TBC1D22A: variants seen among roughly 807,000 people sequenced by gnomAD.
TBC1D22A encodes the protein putative GTPase activator.
A neutral mutation model predicts 60.2 loss-of-function variants in TBC1D22A; 38 were observed. The observed-to-expected ratio is 0.63, with a 90% CI of 0.49 to 0.83. TBC1D22A has a LOEUF of 0.83. TBC1D22A is among the 40% of genes least tolerant of loss of function. TBC1D22A has a pLI of 0.00. For missense variants in TBC1D22A, 628 were observed against 701.0 expected (o/e 0.90, Z 1.18); for synonymous variants, 302 against 281.7 (o/e 1.07, Z -0.72).
At chr22:46,933,124 T>G (rs2071450101) in intron 8 of TBC1D22A, among the ~76,000 whole-genome samples, 1 of 152,114 alleles carries the variant, frequency 6.6e-6, no homozygotes, top group African/African-American at 2.4e-5. Context: ...CTCTGGAAAT[T>G]TTACATTTTC....
At chr22:47,005,107 G>T (rs1319848182) in intron 10 of TBC1D22A, among the ~76,000 whole-genome samples, 1 of 151,150 alleles carries the variant, frequency 6.6e-6, no homozygotes, top group Non-Finnish European at 1.5e-5. Context: ...ACACACCTTT[G>T]TATTCACACA....
chr22:46,901,711 G>A (rs570625670), intron 7 of TBC1D22A, among the ~76,000 whole-genome samples: 1 of 152,050 alleles, frequency 6.6e-6, no homozygotes, highest in Non-Finnish European at 1.5e-5. Flanking sequence ...ACTCACATGG[G>A]GGGGGGATGT....
At chr22:46,809,441 A>T (rs796945204) in intron 4 of TBC1D22A, among the ~76,000 whole-genome samples, 16 of 152,314 alleles carry the variant, frequency 1.1e-4, no homozygotes, top group African/African-American at 3.8e-4. Flanking sequence ...GGCCTTCAAC[A>T]TACGAATTTG....
intron 8 of TBC1D22A, among the ~76,000 whole-genome samples, chr22:46,956,381 C>T (rs569629579): frequency 3.9e-4 from 59 of 152,270 alleles, no homozygotes; most frequent in African/African-American, 1.1e-3. Context: ...GTCAGGAGAT[C>T]GAGACCGTCC....
intron 10 of TBC1D22A, among the ~76,000 whole-genome samples, chr22:47,019,348 A>C (rs1020137286): frequency 3.3e-5 from 5 of 152,238 alleles, no homozygotes; most frequent in African/African-American, 4.8e-5. Context: ...CTGAGTGGAC[A>C]GTGATGAGCT....
At chr22:46,981,242 A>G (rs1181052148) in intron 9 of TBC1D22A, among the ~76,000 whole-genome samples, 3 of 151,852 alleles carry the variant, frequency 2.0e-5, no homozygotes, top group African/African-American at 7.3e-5. Flanking sequence ...CATAAGTATG[A>G]TGGGAGAGGG....
Position 46,771,204 on chromosome 22 carries a change from T to A in TBC1D22A, c.62+8356T>A, listed in dbSNP as rs1200020912. ...ATTTTGGATTATTTATTTATTTGTTTCTTAAGTAACAAGAGCAGGAGGAAG... is the reference window on the plus strand; with the variant it reads ...ATTTTGGATTATTTATTTATTTGTTACTTAAGTAACAAGAGCAGGAGGAAG... On this transcript the variant is annotated intron_variant, in intron 1 of 12. Coordinates refer to ENST00000337137, the MANE Select transcript of TBC1D22A (RefSeq NM_014346.5). Among the ~76,000 whole-genome samples, 6 of 152,338 alleles carry A rather than the reference T, an allele frequency of 3.9e-5. No individual in the cohort carries two copies. In the East Asian group the frequency reaches 1.2e-3, roughly 29 times the overall value.
rs1378400191 is a variant in TBC1D22A at position 47,173,647 on chromosome 22, G to A, written c.*21G>A. Reference sequence around the variant, plus strand: ...AATGAGCCCAGGCCCACCCGCAGCTGGCCTCACTGTCCCGGGTGGCGCGCC... The same window carrying A: ...AATGAGCCCAGGCCCACCCGCAGCTAGCCTCACTGTCCCGGGTGGCGCGCC... On this transcript the variant is annotated 3_prime_UTR_variant, in exon 13 of 13. Coordinates refer to ENST00000337137, the MANE Select transcript of TBC1D22A (RefSeq NM_014346.5). 1.2e-6 allele frequency: 2 copies of A among 1,612,908 alleles called. No homozygotes were observed.
chr22:46,941,754 T>TGTATATACGGA (rs1305263562), intron 8 of TBC1D22A, among the ~76,000 whole-genome samples: 81 of 135,384 alleles, frequency 6.0e-4, no homozygotes, highest in Middle Eastern at 3.7e-3. Flanking sequence ...ATATGCGGAA[T>TGTATATACGGA]ATATATATAC....
At chr22:46,995,003 C>T (rs2075070357) in intron 9 of TBC1D22A, among the ~76,000 whole-genome samples, 1 of 152,242 alleles carries the variant, frequency 6.6e-6, no homozygotes, top group Non-Finnish European at 1.5e-5. Context: ...GCTGCGGCTC[C>T]CTCTCAGCCG....
chr22:46,773,135 A>G (rs6007966), intron 1 of TBC1D22A, among the ~76,000 whole-genome samples: 102,003 of 152,018 alleles, frequency 0.67, 34,281 homozygotes, highest in Middle Eastern at 0.8. Context: ...CAGGCTCAGC[A>G]TCTCTGCCCC....
chr22:46,849,306 C>T (rs1348475611), intron 4 of TBC1D22A, among the ~76,000 whole-genome samples: 2 of 152,224 alleles, frequency 1.3e-5, no homozygotes, highest in South Asian at 2.1e-4. Context: ...GCAGCCCTAG[C>T]CTGCCCTCAA....
At chr22:47,077,958 C>T (rs897051779) in intron 11 of TBC1D22A, among the ~76,000 whole-genome samples, 1 of 152,156 alleles carries the variant, frequency 6.6e-6, no homozygotes, top group African/African-American at 2.4e-5. Flanking sequence ...TCCTAATTTG[C>T]GCTCCTTCCT....
At chr22:46,780,728 T>C (rs1481235193) in intron 1 of TBC1D22A, among the ~76,000 whole-genome samples, 1 of 152,162 alleles carries the variant, frequency 6.6e-6, no homozygotes, top group Non-Finnish European at 1.5e-5. Context: ...CTGTCAGCTT[T>C]CCAGGACCAG....
intron 1 of TBC1D22A, among the ~76,000 whole-genome samples, chr22:46,785,423 A>G (rs544239154): frequency 1.1e-4 from 16 of 152,336 alleles, no homozygotes; most frequent in African/African-American, 3.6e-4. Context: ...ACATTATAAC[A>G]TCTTCCCTGA....
chr22:46,797,882 T>C (rs1274410036), intron 4 of TBC1D22A, among the ~76,000 whole-genome samples: 1 of 152,226 alleles, frequency 6.6e-6, no homozygotes, highest in Non-Finnish European at 1.5e-5. Context: ...TTTTCTTTTT[T>C]TAAAATTTGA....
intron 1 of TBC1D22A, among the ~76,000 whole-genome samples, chr22:46,787,808 T>C (rs535057174): frequency 6.6e-6 from 1 of 152,104 alleles, no homozygotes; most frequent in Non-Finnish European, 1.5e-5. Context: ...CTCTATTATA[T>C]GACAAAATGT....
At chr22:46,801,803 C>T (rs1412251390) in intron 4 of TBC1D22A, among the ~76,000 whole-genome samples, 1 of 152,236 alleles carries the variant, frequency 6.6e-6, no homozygotes, top group Non-Finnish European at 1.5e-5. Flanking sequence ...TCCACTTCCC[C>T]TGAGGGGTGA....
rs148450942 is a variant in TBC1D22A, at chr22:46,906,779, C to CTGTGTGTGTGTGTG, written c.901-5287_901-5274dup. ...GTGTGTGTCCCAGATGGACCCTGAA[C>CTGTGTGTGTGTGTG]TGTGTGTGTGTGTGTGTGTGTATGT... On this transcript the variant is annotated intron_variant, in intron 7 of 12. Coordinates refer to ENST00000337137, the MANE Select transcript of TBC1D22A (RefSeq NM_014346.5). 6.2e-3 allele frequency among the ~76,000 whole-genome samples: 919 copies of CTGTGTGTGTGTGTG among 149,158 alleles called. 7 individuals carry two copies. The highest frequency in any genetic ancestry group is 0.021 in the African/African-American group (842 of 40,580).
Sources: gnomAD v4.1 joint callset for allele counts (sites outside exome capture counted in the v4.1 genomes callset) on GRCh38, gnomAD v4.1.1 for gene constraint, MANE v1.5 for transcripts, NCBI Gene and HGNC (gene_info 2026-07-23, HGNC 2026-07-21) for gene names.